COL25A1: variants seen among roughly 807,000 people sequenced by gnomAD.
COL25A1 encodes the protein collagen alpha-1(XXV) chain.
Under a neutral mutation model 128.4 loss-of-function variants are expected in COL25A1, and 103 were observed. That is an observed-to-expected ratio of 0.80 (90% CI 0.68 to 0.94). COL25A1 has a LOEUF of 0.94. Ranked by LOEUF, COL25A1 falls within the 40% of genes least tolerant of loss-of-function variation. COL25A1 has a pLI of 0.00. For missense variants in COL25A1, 745 were observed against 840.0 expected (o/e 0.89, Z 1.40); for synonymous variants, 279 against 277.2 (o/e 1.01, Z -0.06).
chr4:108,953,194 T>A (rs1380163225), intron 8 of COL25A1, among the ~76,000 whole-genome samples: 3 of 152,140 alleles, frequency 2.0e-5, no homozygotes, highest in African/African-American at 7.2e-5. Flanking sequence ...AAAAAGGTAA[T>A]GGATTGCTTG....
chr4:108,840,549 T>A (rs1734330850), intron 31 of COL25A1, among the ~76,000 whole-genome samples: 1 of 152,170 alleles, frequency 6.6e-6, no homozygotes, highest in African/African-American at 2.4e-5. Context: ...GACCAATACC[T>A]GCCACCACTC....
chr4:108,967,874 G>A lies in COL25A1; in HGVS notation c.492+6493C>T, dbSNP rs376438025. ...AATCTCTACTTAAATACAAGGTAAA[G>A]TCATAGCCTCAAAACTTTGCAATAC... On this transcript the variant is annotated intron_variant, in intron 8 of 37. Coordinates refer to ENST00000399132, the MANE Select transcript of COL25A1 (RefSeq NM_198721.4). Among the ~76,000 whole-genome samples the A allele has an allele frequency of 3.3e-4, 50 of 152,246 alleles. No individual in the cohort carries two copies. The South Asian group carries it at 1.0e-2, about 30-fold the overall frequency.
At chr4:109,154,266 C>A (rs572715635) in intron 3 of COL25A1, among the ~76,000 whole-genome samples, 1 of 151,960 alleles carries the variant, frequency 6.6e-6, no homozygotes, top group South Asian at 2.1e-4. Flanking sequence ...AAAGGCTACC[C>A]AGGGAGATGA....
At chr4:109,124,089 CTTTCT>C (rs1361378127) in intron 3 of COL25A1, among the ~76,000 whole-genome samples, 4 of 152,140 alleles carry the variant, frequency 2.6e-5, no homozygotes, top group Non-Finnish European at 5.9e-5. Context: ...AAAAACTCTA[CTTTCT>C]ATTATTTTAC....
rs367631593 is a variant in COL25A1 at position 108,884,171 on chromosome 4, T to C, written c.1020+7A>G. The C allele has an allele frequency of 1.6e-5, 26 of 1,613,616 alleles. No individual in the cohort carries two copies. The East Asian group carries it at 2.0e-4, about 12-fold the overall frequency. ...TGTGAAGCCGAGACTGTCCGTGCAGTATTTACCTTTATCCCCGGAAGTCCA... is the reference window on the plus strand; with the variant it reads ...TGTGAAGCCGAGACTGTCCGTGCAGCATTTACCTTTATCCCCGGAAGTCCA... On this transcript the variant is annotated splice_region_variant and intron_variant, in intron 19 of 37. Coordinates refer to ENST00000399132, the MANE Select transcript of COL25A1 (RefSeq NM_198721.4).
In COL25A1 at chr4:108,911,802, GTTTTTTT is replaced by G. The variant is rs61235488; in HGVS notation, c.780+6363_780+6369del. Among the ~76,000 whole-genome samples the G allele has an allele frequency of 1.8e-4, 23 of 124,392 alleles. No individual in the cohort carries two copies. In the South Asian group the frequency reaches 6.0e-3, roughly 33 times the overall value. The allele number at this position is 124,392 out of a possible 152,430, so 81.6% of individuals were successfully genotyped here. A position where few individuals can be genotyped will look rare whatever the true frequency, so the allele number is the denominator to read the frequency against. ...TTCATTAATAAACATTTGCTTCGCT[GTTTTTTT>G]TTTTTTTTTTTGCAACAGCAAGTGA... On this transcript the variant is annotated intron_variant, in intron 13 of 37. Transcript: ENST00000399132.
At chr4:109,001,964 C>A (rs1421323651) in intron 6 of COL25A1, among the ~76,000 whole-genome samples, 1 of 152,110 alleles carries the variant, frequency 6.6e-6, no homozygotes, top group Non-Finnish European at 1.5e-5. Context: ...AAAGGTGCTC[C>A]ACATCACTAA....
chr4:108,844,735 G>A (rs1206723900), intron 29 of COL25A1, among the ~76,000 whole-genome samples, 166 bp from the exon 30 acceptor site: 2 of 150,466 alleles, frequency 1.3e-5, no homozygotes, highest in Non-Finnish European at 3.0e-5. Context: ...ATTCCCTTAT[G>A]AGAATTAAAA....
chr4:109,081,295 G>GA, intron 3 of COL25A1, among the ~76,000 whole-genome samples: 1 of 151,902 alleles, frequency 6.6e-6, no homozygotes, highest in Non-Finnish European at 1.5e-5. Context: ...CATCTATTCA[G>GA]AAAAAAGGGC....
intron 8 of COL25A1, among the ~76,000 whole-genome samples, chr4:108,949,943 T>C (rs1390510741): frequency 6.6e-6 from 1 of 152,172 alleles, no homozygotes; most frequent in Non-Finnish European, 1.5e-5. Flanking sequence ...TATTTGGACA[T>C]TGGGATTAGA....
chr4:108,998,153 G>C (rs1293981573), intron 6 of COL25A1, among the ~76,000 whole-genome samples: 1 of 152,034 alleles, frequency 6.6e-6, no homozygotes, highest in African/African-American at 2.4e-5. Context: ...AGAAATAAAG[G>C]GTTTTGAATT....
chr4:108,866,714 G>T (rs1196887793), intron 20 of COL25A1, among the ~76,000 whole-genome samples: 1 of 152,178 alleles, frequency 6.6e-6, no homozygotes, highest in Non-Finnish European at 1.5e-5. Flanking sequence ...TCAGCTGAAA[G>T]AGATTTTTAA....
chr4:109,276,436 T>G (rs1048247021), intron 3 of COL25A1, among the ~76,000 whole-genome samples: 1 of 151,846 alleles, frequency 6.6e-6, no homozygotes, highest in Non-Finnish European at 1.5e-5. Context: ...AAAATTGTCT[T>G]ATTTTTTACA....
At chr4:109,288,822 A>G (rs1724144334) in intron 3 of COL25A1, among the ~76,000 whole-genome samples, 1 of 152,092 alleles carries the variant, frequency 6.6e-6, no homozygotes, top group African/African-American at 2.4e-5. Flanking sequence ...ATAAAGTCCA[A>G]ACTCACAGGA....
At chr4:109,180,188 T>C (rs1157516318) in intron 3 of COL25A1, among the ~76,000 whole-genome samples, 1 of 152,080 alleles carries the variant, frequency 6.6e-6, no homozygotes, top group African/African-American at 2.4e-5. Context: ...CTTGTAGAGG[T>C]CAAGTTAATT....
chr4:108,975,782 T>C (rs1402536497), intron 6 of COL25A1, among the ~76,000 whole-genome samples: 1 of 152,196 alleles, frequency 6.6e-6, no homozygotes. Context: ...CCTTTTAATA[T>C]ACTTATTGAC....
At chr4:108,873,134 C>G (rs1388681134) in intron 19 of COL25A1, among the ~76,000 whole-genome samples, 1 of 152,160 alleles carries the variant, frequency 6.6e-6, no homozygotes, top group Non-Finnish European at 1.5e-5. Context: ...CTCAAGCAAT[C>G]CTCCTGCCTT....
chr4:108,850,511 G>GGTA (rs1200040889), intron 26 of COL25A1, among the ~76,000 whole-genome samples: 4 of 152,070 alleles, frequency 2.6e-5, no homozygotes, highest in Non-Finnish European at 5.9e-5. Context: ...GGATGGCAAG[G>GGTA]GTAGGAGGTA....
At chr4:108,894,414 C>T (rs1741899766) in intron 16 of COL25A1, among the ~76,000 whole-genome samples, 1 of 151,756 alleles carries the variant, frequency 6.6e-6, no homozygotes, top group Non-Finnish European at 1.5e-5. Flanking sequence ...TTCTTTTAAG[C>T]AGAGGTTGGT....
Sources: allele counts gnomAD v4.1 joint callset (sites outside exome capture counted in the v4.1 genomes callset), GRCh38; gene constraint gnomAD v4.1.1; transcripts MANE v1.5; gene names NCBI Gene and HGNC (gene_info 2026-07-23, HGNC 2026-07-21).